Variants in PGM3 observed in about 807,000 individuals in gnomAD.
The protein encoded by PGM3 is phosphoglucomutase 3.
In PGM3, 40 loss-of-function variants were observed where a neutral mutation model predicts 66.2. The ratio of observed to expected loss-of-function variants is 0.60; its 90% CI spans 0.47 to 0.79. The LOEUF is 0.79. PGM3 is among the 30% of genes least tolerant of loss of function. PGM3 has a pLI of 0.00. For synonymous variants in PGM3, 191 were observed against 224.2 expected, an observed-to-expected ratio of 0.85 and a Z score of 1.32; for missense variants, 537 against 643.4, an observed-to-expected ratio of 0.83 and a Z score of 1.79.
chr6:83,153,758 A>G, the PGM3 span: 11 of 1,170,342 alleles, frequency 9.4e-6, no homozygotes, highest in Non-Finnish European at 1.3e-5. Context: ...AAAAATTCAT[A>G]TATTATTTTT....
At chr6:83,157,425 T>C (rs1376899946), downstream of PGM3, 8 of 1,180,896 alleles carry the variant, frequency 6.8e-6, no homozygotes, top group East Asian at 1.7e-4. Context: ...AACTGAGCTG[T>C]AGTTAAACCA....
In PGM3 at chr6:83,166,605, CATTT is replaced by C. The variant is rs1302164606; in HGVS notation, c.*2625_*2628del. 1.0e-5 allele frequency: 7 copies of C among 697,834 alleles called. No individual in the cohort carries two copies. Among genetic ancestry groups the C allele is most frequent in the Middle Eastern group, 3.1e-4 (1 of 3,184 alleles). The allele number at this position is 697,834 out of a possible 1,614,324, so 43.2% of individuals were successfully genotyped here. ...CTTAAAATGATGTATAACATAACCA[CATTT>C]ATTTAAGAATGTACTCCAATATAAA... is the stretch of plus-strand genomic sequence containing the variant. On this transcript the variant is annotated 3_prime_UTR_variant, in exon 13 of 13. Transcript: ENST00000513973.
chr6:83,160,238 C>T (rs536443509), downstream of PGM3, among the ~76,000 whole-genome samples: 1 of 152,284 alleles, frequency 6.6e-6, no homozygotes, highest in Non-Finnish European at 1.5e-5. Context: ...CATACTCATA[C>T]TATGGTGGCT....
intron 2 of PGM3, among the ~76,000 whole-genome samples, chr6:83,189,210 G>C (rs2128507014): frequency 6.6e-6 from 1 of 152,250 alleles, no homozygotes; most frequent in African/African-American, 2.4e-5. Flanking sequence ...AAACTGACTA[G>C]GGCACAAGTG....
chr6:83,172,666 AACAAC>A (rs1286101626), intron 10 of PGM3, among the ~76,000 whole-genome samples: 1 of 150,926 alleles, frequency 6.6e-6, no homozygotes. Context: ...CTCAAAACAA[AACAAC>A]AACAACAACA....
At chr6:83,170,563 G>A in intron 11 of PGM3, 85 bp from the exon 12 acceptor site, 2 of 1,014,606 alleles carry the variant, frequency 2.0e-6, no homozygotes, top group Non-Finnish European at 1.5e-6. Context: ...TACGAAAAGT[G>A]CCAGACTAAA....
chr6:83,186,877 C>T (rs1583290756), intron 4 of PGM3, 131 bp downstream of exon 4: 1 of 538,134 alleles, frequency 1.9e-6, no homozygotes, highest in Non-Finnish European at 3.3e-6. Flanking sequence ...TATTTTGTAT[C>T]TAGGAGTTCA....
chr6:83,150,327 T>C, the PGM3 span, among the ~76,000 whole-genome samples: 2 of 152,188 alleles, frequency 1.3e-5, no homozygotes, highest in Non-Finnish European at 2.9e-5. Context: ...CATCACCAAA[T>C]AACCCTGCTG....
intron 10 of PGM3, 94 bp from the exon 11 acceptor site, chr6:83,172,153 T>A (rs1787267876): frequency 8.1e-7 from 1 of 1,231,268 alleles, no homozygotes; most frequent in Admixed American, 2.0e-5. Context: ...CAGTACAGGT[T>A]GAACAACCTG....
intron 8 of PGM3, among the ~76,000 whole-genome samples, chr6:83,177,844 A>C (rs1265000050): frequency 6.6e-6 from 1 of 152,116 alleles, no homozygotes; most frequent in Non-Finnish European, 1.5e-5. Context: ...CTTCAGCAAA[A>C]GTCCTGTTAG....
the PGM3 span, chr6:83,154,401 C>G: frequency 1.6e-6 from 1 of 622,192 alleles, no homozygotes; most frequent in South Asian, 2.0e-5. Flanking sequence ...ACTTTCTGTA[C>G]GCTATGGGAA....
downstream of PGM3, among the ~76,000 whole-genome samples, chr6:83,158,381 A>G (rs1783343200): frequency 6.6e-6 from 1 of 152,210 alleles, no homozygotes. Context: ...GGATTTCACC[A>G]AATGATTAGC....
intron 10 of PGM3, among the ~76,000 whole-genome samples, chr6:83,172,903 C>A (rs191050802): frequency 6.6e-6 from 1 of 152,288 alleles, no homozygotes; most frequent in African/African-American, 2.4e-5. Context: ...GATGGTGATG[C>A]CAGACAACCA....
downstream of PGM3, chr6:83,164,810 G>C: frequency 4.8e-6 from 5 of 1,042,916 alleles, no homozygotes; most frequent in Non-Finnish European, 2.8e-6. Flanking sequence ...ACAAGTACAA[G>C]GGAGGTAAAC....
At chr6:83,192,513 A>G (rs752980347) in intron 1 of PGM3, among the ~76,000 whole-genome samples, 52 of 152,156 alleles carry the variant, frequency 3.4e-4, no homozygotes, top group Non-Finnish European at 6.2e-4. Flanking sequence ...AACTTGCAAG[A>G]AATGGTGAAA....
rs1264802521 is a variant in PGM3 at position 83,167,504 on chromosome 6, C to T, written c.*1730G>A. On this transcript the variant is annotated 3_prime_UTR_variant, in exon 13 of 13. Coordinates refer to ENST00000513973, the MANE Select transcript of PGM3 (RefSeq NM_015599.3). Reference sequence around the variant, plus strand: ...TTCTGTAGTAATTTTGTGACCTAGTCCTTGGTTACAGTAGTGAGGGTTCAG... The same window carrying T: ...TTCTGTAGTAATTTTGTGACCTAGTTCTTGGTTACAGTAGTGAGGGTTCAG... 9.9e-7 allele frequency: 1 copy of T among 1,007,668 alleles called. No individual in the cohort carries two copies. Among genetic ancestry groups the T allele is most frequent in the East Asian group, 9.7e-5 (1 of 10,350 alleles). The allele number at this position is 1,007,668 out of a possible 1,614,324, so 62.4% of individuals were successfully genotyped here.
At chr6:83,169,824 GACC>G in intron 12 of PGM3, 2 of 457,412 alleles carry the variant, frequency 4.4e-6, no homozygotes, top group Non-Finnish European at 8.8e-6. Flanking sequence ...TAAAAATCCA[GACC>G]ACAAGTCTTG....
the PGM3 span, chr6:83,153,933 G>A: frequency 6.2e-7 from 1 of 1,613,796 alleles, no homozygotes; most frequent in Non-Finnish European, 8.5e-7. Flanking sequence ...GTGTCCAGCT[G>A]CTCAGCAGTC....
At chr6:83,170,143 A>G (rs912375015) in intron 12 of PGM3, 162 bp downstream of exon 12, 11 of 639,672 alleles carry the variant, frequency 1.7e-5, no homozygotes, top group African/African-American at 1.1e-4. Flanking sequence ...AAATTGTATA[A>G]TTACTGCTGG....
Sources: gnomAD v4.1 joint callset for allele counts (sites outside exome capture counted in the v4.1 genomes callset) on GRCh38, gnomAD v4.1.1 for gene constraint, MANE v1.5 for transcripts, NCBI Gene and HGNC (gene_info 2026-07-23, HGNC 2026-07-21) for gene names.